Variants in SPAG1 observed in about 807,000 individuals in gnomAD.
SPAG1 encodes the protein sperm associated antigen 1.
In SPAG1, 69 loss-of-function variants were observed where a neutral mutation model predicts 100.5. The observed-to-expected ratio is 0.69, with a 90% CI of 0.57 to 0.84. SPAG1 has a LOEUF of 0.84. SPAG1 is among the 40% of genes least tolerant of loss of function. The pLI is 0.00. For synonymous variants in SPAG1, 336 were observed against 411.6 expected (o/e 0.82, Z 2.22); for missense variants, 955 against 1,133.1 (o/e 0.84, Z 2.26).
chr8:100,213,310 G>A lies in SPAG1; in HGVS notation c.1317G>A (p.Gly439=), dbSNP rs1156687123. The A allele has an allele frequency of 8.0e-7, 1 of 1,243,582 alleles. No individual in the cohort carries two copies. Among genetic ancestry groups the A allele is most frequent in the Admixed American group, 4.2e-5 (1 of 23,554 alleles). 77.0% of individuals were successfully genotyped at this position (1,243,582 alleles called of 1,614,324 possible). The part of the protein sequence containing the change: ...GGGATGHPGG[G]QGAENPAGLK... ...GCGCCACCGGGCATCCGGGCGGCGGGCAGGGCGCGGAGAACCCTGCCGGCC... is the reference window on the plus strand; with the variant it reads ...GCGCCACCGGGCATCCGGGCGGCGGACAGGGCGCGGAGAACCCTGCCGGCC... The change falls in exon 11 of 19, where the codon GGG becomes GGA. Residue 439 remains glycine (G), a synonymous_variant. Coordinates refer to ENST00000388798, the MANE Select transcript of SPAG1 (RefSeq NM_003114.5).
chr8:100,205,253 T>C (rs994727248), intron 10 of SPAG1, among the ~76,000 whole-genome samples: 1 of 152,138 alleles, frequency 6.6e-6, no homozygotes, highest in African/African-American at 2.4e-5. Context: ...ATGCAGTGAA[T>C]CTTTCTCCCA....
At chr8:100,223,173 G>A (rs907991248) in intron 13 of SPAG1, among the ~76,000 whole-genome samples, 11 of 152,130 alleles carry the variant, frequency 7.2e-5, no homozygotes, top group African/African-American at 2.7e-4. Flanking sequence ...TTCACCAGTT[G>A]ATGAACATTT....
intron 4 of SPAG1, among the ~76,000 whole-genome samples, chr8:100,181,666 C>G (rs1373566021): frequency 6.6e-6 from 1 of 152,164 alleles, no homozygotes; most frequent in Non-Finnish European, 1.5e-5. Flanking sequence ...TGTAGCGGCA[C>G]AACTCTAAGC....
intron 10 of SPAG1, chr8:100,194,541 C>T: frequency 1.9e-6 from 1 of 539,266 alleles, no homozygotes; most frequent in Non-Finnish European, 3.2e-6. Flanking sequence ...TTATTTGACA[C>T]AGACCATTTG....
At chr8:100,220,235 C>G in intron 12 of SPAG1, 44 bp from the exon 13 acceptor site, 1 of 1,546,450 alleles carries the variant, frequency 6.5e-7, no homozygotes, top group Non-Finnish European at 8.8e-7. Context: ...AACGAAAGAG[C>G]ATTTTTCAAA....
chr8:100,195,193 G>A (rs1249230035), intron 10 of SPAG1, among the ~76,000 whole-genome samples: 1 of 151,654 alleles, frequency 6.6e-6, no homozygotes, highest in Non-Finnish European at 1.5e-5. Flanking sequence ...AGAAAAAAAG[G>A]TTTTTCCCTC....
chr8:100,188,179 T>A (rs1405611936), intron 8 of SPAG1, among the ~76,000 whole-genome samples: 1 of 151,438 alleles, frequency 6.6e-6, no homozygotes, highest in East Asian at 1.9e-4. Flanking sequence ...TGAGATAGGG[T>A]CTCACTCTGT....
chr8:100,217,700 T>C (rs1010484807), intron 12 of SPAG1, among the ~76,000 whole-genome samples: 6 of 152,258 alleles, frequency 3.9e-5, no homozygotes, highest in African/African-American at 1.2e-4. Context: ...CAAAAATCTT[T>C]TGGTGACTTT....
intron 3 of SPAG1, among the ~76,000 whole-genome samples, chr8:100,168,685 A>ATTTTTTTTTTTTTTTTTTTT (rs1815675727): frequency 1.8e-5 from 1 of 55,376 alleles, no homozygotes; most frequent in African/African-American, 8.9e-5. Context: ...ATGCCCAGCC[A>ATTTTTTTTTTTTTTTTTTTT]TCTTTTTTTT....
chr8:100,220,111 T>G (rs903473682), intron 12 of SPAG1, among the ~76,000 whole-genome samples, 168 bp from the exon 13 acceptor site: 1 of 152,226 alleles, frequency 6.6e-6, no homozygotes, highest in Non-Finnish European at 1.5e-5. Flanking sequence ...CAAATATGAT[T>G]GCTTTCTTAC....
rs1360165708 is a variant in SPAG1, at chr8:100,239,261, G to A, written c.2137G>A (p.Asp713Asn). 3 of 1,504,760 alleles carry A rather than the reference G, an allele frequency of 2.0e-6. No individual in the cohort carries two copies. The highest frequency in any genetic ancestry group is 2.7e-6 in the Non-Finnish European group (3 of 1,126,746). The allele number at this position is 1,504,760 out of a possible 1,614,324, so 93.2% of individuals were successfully genotyped here. The change falls in exon 17 of 19, where the codon GAT (aspartate) becomes AAT (asparagine). Residue 713 changes from aspartate to asparagine, a missense_variant. By Grantham distance (23) the Asp-to-Asn change is conservative (BLOSUM62 1). Coordinates refer to ENST00000388798, the MANE Select transcript of SPAG1 (RefSeq NM_003114.5). The surrounding 1 kb of genome is among the most constrained non-coding windows in gnomAD (Gnocchi z 5.0). ...GLKNYQKSLIDLNKVILLDPS... is the reference protein window; with the variant it reads ...GLKNYQKSLINLNKVILLDPS... ...ACAGAATTATCAGAAAAGCTTAATT[G>A]ATCTCAATAAAGTTATCCTACTAGA...
intron 10 of SPAG1, among the ~76,000 whole-genome samples, chr8:100,205,120 A>G (rs1817451297): frequency 6.6e-6 from 1 of 152,236 alleles, no homozygotes; most frequent in African/African-American, 2.4e-5. Context: ...AATTATAAAA[A>G]CAGAGAATCA....
At chr8:100,194,052 G>A (rs1407602143) in intron 9 of SPAG1, 60 bp from the exon 10 acceptor site, 1 of 1,203,820 alleles carries the variant, frequency 8.3e-7, no homozygotes, top group African/African-American at 1.6e-5. Context: ...TAACCTGAAA[G>A]AATGGTTATA....
chr8:100,168,395 G>A (rs1815657142), intron 3 of SPAG1, among the ~76,000 whole-genome samples: 2 of 151,930 alleles, frequency 1.3e-5, no homozygotes, highest in Admixed American at 1.3e-4. Context: ...TTATTGAGTT[G>A]CCAAATAATT....
intron 14 of SPAG1, 38 bp downstream of exon 14, chr8:100,225,377 C>G: frequency 6.3e-7 from 1 of 1,596,120 alleles, no homozygotes; most frequent in Non-Finnish European, 8.6e-7. Flanking sequence ...TCAAGGTTAC[C>G]TTGAGTTGTG....
chr8:100,163,253 C>A (rs2132188249), intron 2 of SPAG1, among the ~76,000 whole-genome samples: 1 of 152,238 alleles, frequency 6.6e-6, no homozygotes, highest in South Asian at 2.1e-4. Context: ...GATTCTGCTT[C>A]AAAAAATCTG....
intron 3 of SPAG1, among the ~76,000 whole-genome samples, chr8:100,170,161 G>A (rs1035015435): frequency 2.6e-5 from 4 of 152,000 alleles, no homozygotes; most frequent in Admixed American, 1.3e-4. Flanking sequence ...TTGAGGTTTC[G>A]GATCCATGAA....
chr8:100,175,697 T>A (rs2132233437), intron 3 of SPAG1, among the ~76,000 whole-genome samples: 1 of 152,278 alleles, frequency 6.6e-6, no homozygotes, highest in Admixed American at 6.5e-5. Context: ...CTTGAACTCA[T>A]GGGATTCTGG....
chr8:100,200,281 C>A (rs1426352213), intron 10 of SPAG1, among the ~76,000 whole-genome samples: 6 of 152,134 alleles, frequency 3.9e-5, no homozygotes, highest in Non-Finnish European at 7.3e-5. Flanking sequence ...TGAACTCATC[C>A]TTTTTTATAG....
Sources: gnomAD v4.1 joint callset for allele counts (sites outside exome capture counted in the v4.1 genomes callset) on GRCh38, gnomAD v4.1.1 for gene constraint, Gnocchi (gnomAD v3.1) non-coding constraint, MANE v1.5 for transcripts, NCBI Gene and HGNC (gene_info 2026-07-23, HGNC 2026-07-21) for gene names.